DAPK2: variants seen among roughly 807,000 people sequenced by gnomAD.
DAPK2 encodes death-associated protein kinase 2.
A neutral mutation model predicts 44.1 loss-of-function variants in DAPK2; 35 were observed. The ratio of observed to expected loss-of-function variants is 0.79; its 90% CI spans 0.61 to 1.05. The LOEUF (loss-of-function observed/expected upper bound fraction) is 1.05. Ranked by LOEUF, DAPK2 falls within the 50% of genes least tolerant of loss-of-function variation. The probability of loss-of-function intolerance (pLI) is 0.00; values close to 1 mark genes in which losing one functional copy is unlikely to be tolerated. For missense variants in DAPK2, 453 were observed against 483.2 expected, an observed-to-expected ratio of 0.94 and a Z score of 0.59; for synonymous variants, 174 against 182.6, an observed-to-expected ratio of 0.95 and a Z score of 0.38.
chr15:63,951,138 T>C (rs1232201228), intron 3 of DAPK2, among the ~76,000 whole-genome samples: 3 of 152,190 alleles, frequency 2.0e-5, no homozygotes, highest in Non-Finnish European at 4.4e-5. Context: ...TAAAATACCA[T>C]CAGACCTGAA....
chr15:63,925,794 G>C, intron 7 of DAPK2, 147 bp downstream of exon 8: 1 of 959,678 alleles, frequency 1.0e-6, no homozygotes, highest in Non-Finnish European at 1.6e-6. Context: ...GTCTTGGCTA[G>C]GCCACACTTT....
intron 3 of DAPK2, 81 bp downstream of exon 4, chr15:63,971,342 G>A: frequency 6.5e-7 from 1 of 1,544,096 alleles, no homozygotes; most frequent in Non-Finnish European, 8.8e-7. Context: ...TCGGCACTGG[G>A]CCCATCCTGG....
At position 63,966,055 on chromosome 15, in the gene DAPK2, C is replaced by A. The variant is rs1489223280; in HGVS notation, c.453+5368G>T. On this transcript the variant is annotated intron_variant, in intron 3 of 10. Transcript: ENST00000261891. This position sits in a 1 kb window ranked among gnomAD's most constrained non-coding sequence, Gnocchi z 5.5. Reference sequence around the variant, plus strand: ...GGAATGTGCTGGGTCACACCTGAAGCCAGCATGTCTCTGAGTGCACATCTC... The same window carrying A: ...GGAATGTGCTGGGTCACACCTGAAGACAGCATGTCTCTGAGTGCACATCTC... Among the ~76,000 whole-genome samples the A allele has an allele frequency of 6.6e-6, 1 of 152,240 alleles. No individual in the cohort carries two copies. Among genetic ancestry groups the A allele is most frequent in the East Asian group, 1.9e-4 (1 of 5,198 alleles).
chr15:64,020,485 G>A lies in DAPK2; in HGVS notation c.92+19685C>T, dbSNP rs987796565. Among the ~76,000 whole-genome samples the A allele has an allele frequency of 6.6e-6, 1 of 152,162 alleles. No homozygotes were observed. Among genetic ancestry groups the A allele is most frequent in the Non-Finnish European group, 1.5e-5 (1 of 68,042 alleles). On this transcript the variant is annotated intron_variant, in intron 1 of 10. Transcript: ENST00000261891. The surrounding 1 kb of genome is among the most constrained non-coding windows in gnomAD (Gnocchi z 4.5). ...GGCATCATCAATTCTCTTGCCTCTT[G>A]CTGTCATTTATTCATTCATATCACA...
chr15:64,046,463 C>A (rs1219110480), upstream of DAPK2: 2 of 191,830 alleles, frequency 1.0e-5, no homozygotes, highest in Non-Finnish European at 1.9e-5. This position sits in a 1 kb window ranked among gnomAD's most constrained non-coding sequence, Gnocchi z 5.3. Context: ...GGCACCCGCC[C>A]GCCGAGCAGC....
chr15:63,985,458 G>C (rs962866217), intron 1 of DAPK2, among the ~76,000 whole-genome samples: 1 of 152,134 alleles, frequency 6.6e-6, no homozygotes, highest in African/African-American at 2.4e-5. Context: ...TTCCAGGCCC[G>C]GGTGGCTCTG....
At chr15:64,005,895 G>A (rs182289478) in intron 1 of DAPK2, among the ~76,000 whole-genome samples, 29 of 152,062 alleles carry the variant, frequency 1.9e-4, no homozygotes, top group South Asian at 1.5e-3. Flanking sequence ...TTAGCTAGGC[G>A]TGTTGGCACA....
intron 1 of DAPK2, among the ~76,000 whole-genome samples, chr15:64,014,749 G>A (rs1240306672): frequency 6.6e-6 from 1 of 152,174 alleles, no homozygotes; most frequent in African/African-American, 2.4e-5. Flanking sequence ...GTGAAACCCC[G>A]TCTCTACTAA....
In DAPK2 at chr15:63,930,395, T is replaced by C; in HGVS notation, c.632+12A>G. The C allele has an allele frequency of 6.2e-7, 1 of 1,614,156 alleles. No individual in the cohort carries two copies. The highest frequency in any genetic ancestry group is 8.5e-7 in the Non-Finnish European group (1 of 1,179,956). On this transcript the variant is annotated intron_variant, in intron 5 of 10. Coordinates refer to ENST00000261891, the Ensembl canonical transcript of DAPK2. ...GGATCGCTAGGTCACCTGAGTGGCC[T>C]ATCCAACTTACCACATGTCAGCCTC...
At chr15:63,922,246 A>T in intron 8 of DAPK2, 2 of 984,546 alleles carry the variant, frequency 2.0e-6, no homozygotes, top group Non-Finnish European at 2.4e-6. Context: ...TGAAAAATCA[A>T]TGCAAACGAA....
chr15:64,011,164 G>A (rs1408707254), intron 1 of DAPK2, among the ~76,000 whole-genome samples: 2 of 152,222 alleles, frequency 1.3e-5, no homozygotes, highest in Non-Finnish European at 2.9e-5. Context: ...AACACAGGTG[G>A]AGGATTGGCT....
chr15:63,997,289 A>C (rs1438638028), intron 1 of DAPK2, among the ~76,000 whole-genome samples: 1 of 152,220 alleles, frequency 6.6e-6, no homozygotes, highest in East Asian at 1.9e-4. Context: ...TGTCAAATCC[A>C]ACATGATTTA....
intron 1 of DAPK2, among the ~76,000 whole-genome samples, chr15:64,007,163 C>T (rs932956330): frequency 4.4e-4 from 67 of 152,136 alleles, no homozygotes; most frequent in African/African-American, 1.5e-3. Context: ...CGGGGTCTCA[C>T]TATGTCATCC....
At chr15:63,922,803 TG>T in intron 8 of DAPK2, 1 of 1,535,860 alleles carries the variant, frequency 6.5e-7, no homozygotes, top group Non-Finnish European at 8.7e-7. Context: ...AGGGATTCAC[TG>T]GTGTCCTGGT....
At chr15:63,982,681 G>A (rs1262725633) in intron 2 of DAPK2, among the ~76,000 whole-genome samples, 3 of 152,150 alleles carry the variant, frequency 2.0e-5, no homozygotes, top group Non-Finnish European at 4.4e-5. Context: ...CCTCTGCTAA[G>A]CCAGCATAAG....
At position 64,024,229 on chromosome 15, in the gene DAPK2, AG is replaced by A. The variant is rs1238402825; in HGVS notation, c.92+15940del. 3.9e-5 allele frequency among the ~76,000 whole-genome samples: 6 copies of A among 152,304 alleles called. No homozygotes were observed. The East Asian group carries it at 1.2e-3, about 29-fold the overall frequency. On this transcript the variant is annotated intron_variant, in intron 1 of 10. Transcript: ENST00000261891. ...CTTCAACCAGTCTCAGTGGCAAGGG[AG>A]GGACTCAGAAATGGGCCAGGGTCCT...
intron 10 of DAPK2, chr15:63,909,055 C>T (rs1417329929): frequency 1.3e-5 from 2 of 152,556 alleles, no homozygotes. Context: ...CACCTTCAGC[C>T]GCCTTGCTGA....
chr15:63,969,476 T>A (rs1188885668), intron 3 of DAPK2, among the ~76,000 whole-genome samples: 1 of 151,416 alleles, frequency 6.6e-6, no homozygotes, highest in Non-Finnish European at 1.5e-5. Context: ...CAGTGGCTCA[T>A]GCCTGTAATC....
chr15:64,044,295 C>G (rs2080411355), upstream of DAPK2, among the ~76,000 whole-genome samples: 1 of 152,156 alleles, frequency 6.6e-6, no homozygotes, highest in Non-Finnish European at 1.5e-5. Flanking sequence ...ACTCTAATAC[C>G]AGGCAACACT....
Sources: gnomAD v4.1 joint callset for allele counts (sites outside exome capture counted in the v4.1 genomes callset) on GRCh38, gnomAD v4.1.1 for gene constraint, Gnocchi (gnomAD v3.1) non-coding constraint, MANE v1.5 for transcripts, NCBI Gene and HGNC (gene_info 2026-07-23, HGNC 2026-07-21) for gene names.